The following TRIM2 variants were observed in gnomAD, a reference collection of about 807,000 sequenced individuals.
TRIM2 encodes tripartite motif-containing protein 2.
A neutral mutation model predicts 75.2 loss-of-function variants in TRIM2; 20 were observed. That is an observed-to-expected ratio of 0.27 (90% confidence interval 0.19 to 0.39). The LOEUF (loss-of-function observed/expected upper bound fraction) is 0.39, where lower values mean the gene tolerates loss of function less well. Among genes scored for constraint, TRIM2 ranks in the 10% least tolerant of loss-of-function variants. The probability of loss-of-function intolerance (pLI) is 1.00; values close to 1 mark genes in which losing one functional copy is unlikely to be tolerated. For synonymous variants in TRIM2, 373 were observed against 388.3 expected, an observed-to-expected ratio of 0.96 and a Z score of 0.46; for missense variants, 660 against 990.8, an observed-to-expected ratio of 0.67 and a Z score of 4.48.
chr4:153,289,502 G>A (rs1761385455), intron 3 of TRIM2, among the ~76,000 whole-genome samples: 2 of 152,290 alleles, frequency 1.3e-5, no homozygotes, highest in South Asian at 4.1e-4. Flanking sequence ...AGTAATGGAT[G>A]CTGATCTTTT....
intron 1 of TRIM2, among the ~76,000 whole-genome samples, chr4:153,252,520 T>C (rs903050941): frequency 1.3e-5 from 2 of 152,204 alleles, no homozygotes; most frequent in African/African-American, 2.4e-5. Context: ...GAAGGTACTT[T>C]CTTTTTTCTG....
At chr4:153,238,935 G>A (rs957482600) in intron 1 of TRIM2, among the ~76,000 whole-genome samples, 13 of 152,284 alleles carry the variant, frequency 8.5e-5, no homozygotes, top group African/African-American at 2.9e-4. Context: ...TATGTTGAAG[G>A]CTTAACCCCA....
chr4:153,295,296 C>A lies in TRIM2; in HGVS notation c.787-17C>A. On this transcript the variant is annotated splice_polypyrimidine_tract_variant and intron_variant, in intron 5 of 11. Coordinates refer to ENST00000338700, the MANE Select transcript of TRIM2 (RefSeq NM_015271.5). The surrounding 1 kb of genome is among the most constrained non-coding windows in gnomAD (Gnocchi z 7.2). ...GCCCTGTGGGACGAGCTCACCAGGC[C>A]TCCGGTTTTCCCGCAGGTCCTCCAG... 6.4e-7 allele frequency: 1 copy of A among 1,563,924 alleles called. No individual in the cohort carries two copies. Among genetic ancestry groups the A allele is most frequent in the South Asian group, 1.2e-5 (1 of 81,610 alleles).
In TRIM2 at chr4:153,335,077, G is replaced by A. The variant is rs941109760; in HGVS notation, c.*111G>A. 4 of 1,335,546 alleles carry A rather than the reference G, an allele frequency of 3.0e-6. No individual in the cohort carries two copies. In the African/African-American group the frequency reaches 5.9e-5, roughly 20 times the overall value. The allele number at this position is 1,335,546 out of a possible 1,614,324, so 82.7% of individuals were successfully genotyped here. Reference sequence around the variant, plus strand: ...GTTTTTATGCCAGAAGGAATCATTGGTGAACTTTCCAAGGTTATTTCTGAA... The same window carrying A: ...GTTTTTATGCCAGAAGGAATCATTGATGAACTTTCCAAGGTTATTTCTGAA... On this transcript the variant is annotated 3_prime_UTR_variant, in exon 12 of 12. Coordinates refer to ENST00000338700, the MANE Select transcript of TRIM2 (RefSeq NM_015271.5).
intron 8 of TRIM2, among the ~76,000 whole-genome samples, chr4:153,321,818 C>G (rs1256064482): frequency 6.6e-6 from 1 of 152,164 alleles, no homozygotes; most frequent in Non-Finnish European, 1.5e-5. Flanking sequence ...GTGCTACACT[C>G]TACAGTAAAC....
In TRIM2 at chr4:153,293,133, G is replaced by T. The variant is rs1389450586; in HGVS notation, c.605G>T (p.Arg202Met). 6.2e-7 allele frequency: 1 copy of T among 1,602,620 alleles called. No individual in the cohort carries two copies. The highest frequency in any genetic ancestry group is 8.5e-7 in the Non-Finnish European group (1 of 1,171,580). The change falls in exon 4 of 12, where the codon AGG becomes ATG. Residue 202 changes from arginine to methionine, a missense_variant and splice_region_variant. This residue lies in a region of TRIM2 where 620 missense variants were observed against 891.0 expected (regional missense o/e 0.70). Transcript: ENST00000338700. ...GTCCAGCTGGATGCTGTCAACAAAA[G>T]GTGGGGGACCCCTCCCCAAACCCCC... is the stretch of plus-strand genomic sequence containing the variant. Reference protein sequence around the residue: ...LQVQLDAVNKRLPEIDSALQF... With the variant: ...LQVQLDAVNKMLPEIDSALQF...
intron 1 of TRIM2, among the ~76,000 whole-genome samples, chr4:153,252,707 A>G (rs1340558312): frequency 6.6e-6 from 1 of 152,068 alleles, no homozygotes; most frequent in African/African-American, 2.4e-5. Context: ...ACGGGGTTTC[A>G]CTATCTTGGC....
chr4:153,212,635 A>G (rs1737365736), intron 1 of TRIM2, among the ~76,000 whole-genome samples: 1 of 152,208 alleles, frequency 6.6e-6, no homozygotes, highest in South Asian at 2.1e-4. Flanking sequence ...CAGCCTGGGC[A>G]ACGAAGTGAG....
At chr4:153,296,437 G>A (rs113415483) in intron 6 of TRIM2, among the ~76,000 whole-genome samples, 3 of 152,332 alleles carry the variant, frequency 2.0e-5, no homozygotes, top group Admixed American at 6.5e-5. Context: ...CCTCTTCCCT[G>A]GGAGGGTCTT....
chr4:153,215,264 C>A (rs1031193596), intron 1 of TRIM2, among the ~76,000 whole-genome samples: 1 of 152,070 alleles, frequency 6.6e-6, no homozygotes, highest in Non-Finnish European at 1.5e-5. Flanking sequence ...TCTAGACATA[C>A]CTCCTCCTCT....
At chr4:153,259,862 A>G (rs1331311385) in intron 1 of TRIM2, among the ~76,000 whole-genome samples, 1 of 152,248 alleles carries the variant, frequency 6.6e-6, no homozygotes. Flanking sequence ...TGAGCCAAGT[A>G]TTCAAATAGC....
At position 153,159,577 on chromosome 4, in the gene TRIM2, A is replaced by G. The variant is rs572443143; in HGVS notation, c.-49+6307A>G. Among the ~76,000 whole-genome samples the G allele has an allele frequency of 8.5e-5, 13 of 152,220 alleles. 1 individual carries two copies. The highest frequency in any genetic ancestry group is 3.1e-4 in the African/African-American group (13 of 41,524). ...AGCTTCAGCCTCCCAAAGTGCTAGG[A>G]TTACAGGCATGAGCCACACCAGCCT... On this transcript the variant is annotated intron_variant, in intron 1 of 11. Transcript: ENST00000437508.
chr4:153,179,376 ATTAT>A lies in TRIM2; in HGVS notation c.-49+26109_-49+26112del, dbSNP rs1309128559. ...AAATTAATATTTAATGTTAAATATT[ATTAT>A]TTGATTATTAATAAAATAAAAGCTC... is the stretch of plus-strand genomic sequence containing the variant. On this transcript the variant is annotated intron_variant, in intron 1 of 11. Coordinates refer to the TRIM2 transcript ENST00000437508. Among the ~76,000 whole-genome samples, 10 of 151,104 alleles carry A rather than the reference ATTAT, an allele frequency of 6.6e-5. No individual in the cohort carries two copies. In the East Asian group the frequency reaches 1.7e-3, roughly 26 times the overall value.
rs577627294 is a variant in TRIM2 at position 153,169,438 on chromosome 4, A to G, written c.-49+16168A>G. Among the ~76,000 whole-genome samples the G allele has an allele frequency of 8.5e-5, 13 of 152,320 alleles. No individual in the cohort carries two copies. In the South Asian group the frequency reaches 2.3e-3, roughly 27 times the overall value. ...AGACAGCAGGCTTAGTTATCAGATT[A>G]TTCCAAGATAAACTGTGTAATATGC... On this transcript the variant is annotated intron_variant, in intron 1 of 11. Coordinates refer to the TRIM2 transcript ENST00000437508.
intron 1 of TRIM2, among the ~76,000 whole-genome samples, chr4:153,155,571 C>T (rs1729155934): frequency 6.6e-6 from 1 of 152,054 alleles, no homozygotes; most frequent in Non-Finnish European, 1.5e-5. Flanking sequence ...TAAGAGAAAA[C>T]CAGATTTTGA....
rs531654223 is a variant in TRIM2, at chr4:153,193,322, A to G, written c.-49+40052A>G. ...AATTTTTTGTATTTTTAGTAGAGAC[A>G]GGGTTTCACTGTGTTAGTTAGGATG... On this transcript the variant is annotated intron_variant, in intron 1 of 11. Coordinates refer to the TRIM2 transcript ENST00000437508. 1.8e-4 allele frequency among the ~76,000 whole-genome samples: 28 copies of G among 151,870 alleles called. No individual in the cohort carries two copies. In the East Asian group the frequency reaches 2.3e-3, roughly 13 times the overall value.
chr4:153,328,469 C>T, intron 10 of TRIM2, 61 bp from the exon 11 acceptor site: 4 of 1,416,046 alleles, frequency 2.8e-6, no homozygotes, highest in Non-Finnish European at 3.8e-6. Flanking sequence ...TTTTTTTAAT[C>T]CATCATGTTG....
At position 153,199,196 on chromosome 4, in the gene TRIM2, C is replaced by A. The variant is rs548234639; in HGVS notation, c.-49+45926C>A. Among the ~76,000 whole-genome samples the A allele has an allele frequency of 2.2e-4, 34 of 152,264 alleles. No homozygotes were observed. The South Asian group carries it at 7.0e-3, about 32-fold the overall frequency. ...TGTGTTTTCTTGATGAAATTTCTGG[C>A]AAAGTCTTCTTTCCATGTTTTCAAA... is the stretch of plus-strand genomic sequence containing the variant. On this transcript the variant is annotated intron_variant, in intron 1 of 11. Coordinates refer to the TRIM2 transcript ENST00000437508.
chr4:153,162,476 AT>A (rs1278863653), intron 1 of TRIM2, among the ~76,000 whole-genome samples: 4 of 152,196 alleles, frequency 2.6e-5, no homozygotes, highest in African/African-American at 9.6e-5. Flanking sequence ...GAAAGCATTC[AT>A]CCTTTTGTTC....
Sources: gnomAD v4.1 joint callset for allele counts (sites outside exome capture counted in the v4.1 genomes callset) on GRCh38, gnomAD v4.1.1 for gene constraint, gnomAD v4.1.1 regional missense constraint, Gnocchi (gnomAD v3.1) non-coding constraint, MANE v1.5 for transcripts, NCBI Gene and HGNC (gene_info 2026-07-23, HGNC 2026-07-21) for gene names.